CEP85L: variants seen among roughly 807,000 people sequenced by gnomAD.
The protein encoded by CEP85L is centrosomal protein 85L, also known as centrosomal protein of 85 kDa-like.
In CEP85L, 60 loss-of-function variants were observed where a neutral mutation model predicts 100.3. That is an observed-to-expected ratio of 0.60 (90% CI 0.49 to 0.74). The LOEUF (loss-of-function observed/expected upper bound fraction) is 0.74. CEP85L is among the 30% of genes least tolerant of loss of function. CEP85L has a pLI of 0.00. For missense variants in CEP85L, 973 were observed against 936.2 expected (o/e 1.04, Z -0.51); for synonymous variants, 319 against 322.7 (o/e 0.99, Z 0.12).
intron 1 of CEP85L, among the ~76,000 whole-genome samples, chr6:118,683,825 G>A (rs1776743327): frequency 1.3e-5 from 2 of 152,192 alleles, no homozygotes; most frequent in Non-Finnish European, 2.9e-5. Flanking sequence ...AGAGACATTT[G>A]TTGGGTCATG....
At chr6:118,478,333 T>A (rs1174421466) in intron 10 of CEP85L, among the ~76,000 whole-genome samples, 1 of 152,122 alleles carries the variant, frequency 6.6e-6, no homozygotes, top group Non-Finnish European at 1.5e-5. Context: ...AACATGAGTT[T>A]AAAACTAGTA....
At chr6:118,605,338 G>T (rs952610745) in intron 2 of CEP85L, among the ~76,000 whole-genome samples, 1 of 152,160 alleles carries the variant, frequency 6.6e-6, no homozygotes, top group African/African-American at 2.4e-5. Flanking sequence ...TCTCCCAGTG[G>T]GGGGTGGGGA....
intron 3 of CEP85L, among the ~76,000 whole-genome samples, chr6:118,542,791 C>T (rs369362643): frequency 6.7e-6 from 1 of 149,978 alleles, no homozygotes; most frequent in East Asian, 2.0e-4. Flanking sequence ...AATGCAGTCA[C>T]TCTGGTTTGT....
rs1008045310 is a variant in CEP85L, at chr6:118,465,137, T to C, written c.*268A>G. 3.6e-5 allele frequency: 13 copies of C among 360,036 alleles called. No individual in the cohort carries two copies. The highest frequency in any genetic ancestry group is 2.8e-4 in the African/African-American group (13 of 47,246). The allele number at this position is 360,036 out of a possible 1,614,324, so 22.3% of individuals were successfully genotyped here. ...GTGAAGGGTACTCTTCACAGCTTGG[T>C]CCTACAATCAGTAGTTTGAGAATAT... On this transcript the variant is annotated 3_prime_UTR_variant, in exon 13 of 13. Coordinates refer to ENST00000368491, the MANE Select transcript of CEP85L (RefSeq NM_001042475.3).
chr6:118,516,595 G>A (rs2114744351), intron 4 of CEP85L, among the ~76,000 whole-genome samples: 1 of 152,106 alleles, frequency 6.6e-6, no homozygotes, highest in East Asian at 1.9e-4. Context: ...TTTTGATGTG[G>A]TTGTTTTTTT....
At chr6:118,608,712 A>G (rs1404211045) in intron 2 of CEP85L, among the ~76,000 whole-genome samples, 2 of 152,202 alleles carry the variant, frequency 1.3e-5, no homozygotes, top group African/African-American at 2.4e-5. Context: ...GTGTTTTAAA[A>G]AAGTACTTAA....
intron 2 of CEP85L, chr6:118,573,964 C>T (rs1175635383): frequency 6.6e-6 from 1 of 152,192 alleles, no homozygotes; most frequent in Non-Finnish European, 1.5e-5. Context: ...TAATAACAAA[C>T]TAAGAAATTT....
At chr6:118,608,449 C>T (rs1029647829) in intron 2 of CEP85L, among the ~76,000 whole-genome samples, 6 of 151,622 alleles carry the variant, frequency 4.0e-5, no homozygotes, top group Admixed American at 6.6e-5. Context: ...GAGCGGAGAT[C>T]GCACCACTGC....
intron 1 of CEP85L, among the ~76,000 whole-genome samples, chr6:118,642,100 C>G (rs982369779): frequency 6.6e-6 from 1 of 152,084 alleles, no homozygotes; most frequent in Non-Finnish European, 1.5e-5. Flanking sequence ...ATCCATATAT[C>G]AGAAATGCTA....
At chr6:118,488,832 G>A (rs1023735686) in intron 6 of CEP85L, among the ~76,000 whole-genome samples, 3 of 152,214 alleles carry the variant, frequency 2.0e-5, no homozygotes, top group African/African-American at 4.8e-5. Flanking sequence ...TCACATGCAA[G>A]AGAACTCCAA....
intron 4 of CEP85L, among the ~76,000 whole-genome samples, chr6:118,522,806 G>A (rs771285221): frequency 4.6e-5 from 7 of 151,688 alleles, no homozygotes; most frequent in Non-Finnish European, 7.4e-5. Flanking sequence ...TTGAGCCTGG[G>A]AGGTGAAGGT....
At chr6:118,635,953 T>C (rs1173522447) in intron 1 of CEP85L, among the ~76,000 whole-genome samples, 1 of 152,230 alleles carries the variant, frequency 6.6e-6, no homozygotes. Flanking sequence ...TCTTGTATAA[T>C]TAACTATTGC....
intron 5 of CEP85L, among the ~76,000 whole-genome samples, chr6:118,508,856 C>T (rs1158446124): frequency 6.6e-6 from 1 of 151,984 alleles, no homozygotes. Flanking sequence ...TAAAAAATTA[C>T]ATCATTCAAA....
chr6:118,709,279 A>T (rs1315323667), intron 1 of CEP85L, among the ~76,000 whole-genome samples: 1 of 152,042 alleles, frequency 6.6e-6, no homozygotes, highest in Non-Finnish European at 1.5e-5. Context: ...AGCAACCTAC[A>T]TTTGCCCATT....
intron 2 of CEP85L, among the ~76,000 whole-genome samples, chr6:118,601,746 T>C (rs1781799545): frequency 6.6e-6 from 1 of 152,184 alleles, no homozygotes; most frequent in Non-Finnish European, 1.5e-5. Flanking sequence ...CCATATAGGG[T>C]AACTTCCTGA....
At chr6:118,525,595 C>T (rs1174840429) in intron 3 of CEP85L, among the ~76,000 whole-genome samples, 2 of 152,170 alleles carry the variant, frequency 1.3e-5, no homozygotes, top group Non-Finnish European at 2.9e-5. Flanking sequence ...GACACATCTA[C>T]AAGACAAGGA....
At position 118,511,404 on chromosome 6, in the gene CEP85L, T is replaced by C; in HGVS notation, c.1151A>G (p.Gln384Arg). Residue 384 changes from glutamine to arginine, a missense_variant, in exon 5 of 13, where the codon CAA becomes CGA. Physicochemically the swap from Gln to Arg is conservative, Grantham distance 43 (BLOSUM62 1). Transcript: ENST00000368491. ...KEIVIDRQKQQITHLHERIRD... is the reference protein window; with the variant it reads ...KEIVIDRQKQRITHLHERIRD... Reference sequence around the variant, plus strand: ...TATCCTCTCATGCAGGTGGGTAATTTGTTGCTTCTGCCTGCAAAACATAAA... The same window carrying C: ...TATCCTCTCATGCAGGTGGGTAATTCGTTGCTTCTGCCTGCAAAACATAAA... 1.9e-6 allele frequency: 3 copies of C among 1,609,238 alleles called. No individual in the cohort carries two copies. The highest frequency in any genetic ancestry group is 2.6e-6 in the Non-Finnish European group (3 of 1,176,198).
At chr6:118,526,090 T>C (rs981954489) in intron 3 of CEP85L, among the ~76,000 whole-genome samples, 6 of 152,174 alleles carry the variant, frequency 3.9e-5, no homozygotes, top group Non-Finnish European at 7.3e-5. Context: ...TTTTGTCAGA[T>C]GGGAAGATAT....
chr6:118,501,406 T>C (rs1775293241), intron 5 of CEP85L: 1 of 370,028 alleles, frequency 2.7e-6, no homozygotes, highest in Non-Finnish European at 5.2e-6. Flanking sequence ...AGACAGCCCA[T>C]GAGACCTAGC....
Sources: allele counts gnomAD v4.1 joint callset (sites outside exome capture counted in the v4.1 genomes callset), GRCh38; gene constraint gnomAD v4.1.1; transcripts MANE v1.5; gene names NCBI Gene and HGNC (gene_info 2026-07-23, HGNC 2026-07-21).